Variants in NXF1 observed in about 807,000 individuals in gnomAD.
NXF1 encodes nuclear RNA export factor 1, also known as mRNA export factor TAP.
NXF1 carries 43 observed loss-of-function variants against 92.4 expected under a neutral mutation model. The observed-to-expected ratio is 0.47, with a 90% CI of 0.36 to 0.60. NXF1 has a LOEUF of 0.60. NXF1 is among the 20% of genes least tolerant of loss of function. The probability of loss-of-function intolerance (pLI) is 0.00; values close to 1 mark genes in which losing one functional copy is unlikely to be tolerated. For synonymous variants in NXF1, 288 were observed against 292.2 expected (o/e 0.99, Z 0.15); for missense variants, 576 against 793.0 (o/e 0.73, Z 3.29).
At chr11:62,793,540 T>C (rs767077918) in intron 19 of NXF1, among the ~76,000 whole-genome samples, 13 of 152,126 alleles carry the variant, frequency 8.5e-5, no homozygotes, top group Non-Finnish European at 1.8e-4. Context: ...AGCCAGGTGC[T>C]GTGGCCTATG....
Position 62,803,469 on chromosome 11 carries a change from C to A in NXF1, c.319G>T (p.Gly107Trp). 1 of 1,614,070 alleles carries A rather than the reference C, an allele frequency of 6.2e-7. No individual in the cohort carries two copies. The highest frequency in any genetic ancestry group is 8.5e-7 in the Non-Finnish European group (1 of 1,180,020). ...GTCCCATCCTGGCTGGTGCCAGCCC[C>A]TCCTCTCTCTGGAGGAGCTCTGTCT... The part of the protein sequence containing the change: ...RRDRAPPERG[G>W]AGTSQDGTSK... The change falls in exon 3 of 21, where the codon GGG becomes TGG. Residue 107 changes from glycine to tryptophan, a missense_variant. By Grantham distance (184) the Gly-to-Trp change is radical. Around this residue, in one of 2 missense-constraint regions of NXF1, gnomAD observed 151 missense variants for 157.8 expected, o/e 0.96. Transcript: ENST00000294172.
chr11:62,803,653 A>T, intron 2 of NXF1, 81 bp from the exon 3 acceptor site: 1 of 1,559,502 alleles, frequency 6.4e-7, no homozygotes, highest in Non-Finnish European at 8.8e-7. Context: ...TAGTGGGACT[A>T]CAACTAAGAC....
In NXF1 at chr11:62,800,399, G is replaced by T; in HGVS notation, c.994C>A (p.Arg332=). ...GACCTGATGTAGGTGGACTGGTCTC[G>T]GAAGGTGTCACACAGGGAGTTTCCA... is the stretch of plus-strand genomic sequence containing the variant. ...LDGNSLCDTF[R]DQSTYISAIR... Residue 332 remains arginine (R), a synonymous_variant, in exon 10 of 21, where the codon CGA becomes AGA. Coordinates refer to ENST00000294172, the MANE Select transcript of NXF1 (RefSeq NM_006362.5). The T allele has an allele frequency of 6.2e-7, 1 of 1,613,978 alleles. No individual in the cohort carries two copies. Among genetic ancestry groups the T allele is most frequent in the Non-Finnish European group, 8.5e-7 (1 of 1,179,954 alleles).
At position 62,795,007 on chromosome 11, in the gene NXF1, A is replaced by G. The variant is rs761132527; in HGVS notation, c.1505T>C (p.Val502Ala). 4 of 1,614,112 alleles carry G rather than the reference A, an allele frequency of 2.5e-6. No individual in the cohort carries two copies. The highest frequency in any genetic ancestry group is 1.1e-5 in the South Asian group (1 of 91,086). The part of the protein sequence containing the change: ...CFSVNGVFKE[V>A]DGKSRDSLRA... The stretch of plus-strand genomic sequence containing the variant: ...CAAAGAATCCCGGGACTTTCCGTCC[A>G]CTGCAATAAGAACAGCAACAACACC... Residue 502 changes from valine to alanine, a missense_variant and splice_region_variant, in exon 18 of 21, where the codon GTG (valine) becomes GCG (alanine). Physicochemically the swap from Val to Ala is moderately conservative, Grantham distance 64 (BLOSUM62 0). Around this residue, in one of 2 missense-constraint regions of NXF1, gnomAD observed 425 missense variants for 635.2 expected, o/e 0.67. Coordinates refer to ENST00000294172, the MANE Select transcript of NXF1 (RefSeq NM_006362.5).
chr11:62,793,987 C>A (rs1383087367), intron 19 of NXF1, among the ~76,000 whole-genome samples: 1 of 149,994 alleles, frequency 6.7e-6, no homozygotes, highest in African/African-American at 2.5e-5. Context: ...GGCAACATAG[C>A]AAGACTCCAC....
Position 62,803,880 on chromosome 11 carries a change from C to G in NXF1, c.127G>C (p.Gly43Arg). 7 of 1,614,232 alleles carry G rather than the reference C, an allele frequency of 4.3e-6. No homozygotes were observed. Among genetic ancestry groups the G allele is most frequent in the Non-Finnish European group, 5.9e-6 (7 of 1,180,042 alleles). ...YGEGNRRSGRGGSGIRSSRLE... is the reference protein window; with the variant it reads ...YGEGNRRSGRRGSGIRSSRLE... ...CGGGAAGACCGAATACCAGAACCGC[C>G]TCTTCCAGACCTACGGTTTCCTTCA... Residue 43 changes from glycine to arginine, a missense_variant, in exon 2 of 21, where the codon GGC (glycine) becomes CGC (arginine). Physicochemically the swap from Gly to Arg is moderately radical, Grantham distance 125. Transcript: ENST00000294172.
At chr11:62,794,511 T>G in intron 18 of NXF1, 71 bp from the exon 19 acceptor site, 2 of 1,387,528 alleles carry the variant, frequency 1.4e-6, no homozygotes, top group Non-Finnish European at 2.0e-6. Context: ...TCCTATTCTC[T>G]GATTCTTTCA....
intron 11 of NXF1, among the ~76,000 whole-genome samples, chr11:62,798,249 G>GAAACCCT (rs2084441469): frequency 6.6e-6 from 1 of 151,454 alleles, no homozygotes; most frequent in Admixed American, 6.6e-5. Flanking sequence ...CGAACATGGT[G>GAAACCCT]AAACCCTGTC....
At chr11:62,799,957 T>C (rs1446120883) in intron 10 of NXF1, 1 of 997,968 alleles carries the variant, frequency 1.0e-6, no homozygotes, top group African/African-American at 1.7e-5. Flanking sequence ...GGAAGGCCCA[T>C]CTCAGTAGGA....
intron 20 of NXF1, 26 bp from the exon 21 acceptor site, chr11:62,792,540 G>A (rs1324005774): frequency 1.2e-6 from 2 of 1,614,166 alleles, no homozygotes; most frequent in Non-Finnish European, 8.5e-7. Context: ...GGTCAGTAGA[G>A]GTAGGCCTAC....
chr11:62,799,723 G>A (rs897577226), intron 10 of NXF1: 9 of 985,972 alleles, frequency 9.1e-6, no homozygotes, highest in African/African-American at 1.7e-5. Flanking sequence ...GGATTCCCTC[G>A]CCTGCTGGCG....
Position 62,797,305 on chromosome 11 carries a change from C to T in NXF1, c.1122+13G>A. The T allele has an allele frequency of 6.2e-7, 1 of 1,614,164 alleles. No individual in the cohort carries two copies. Among genetic ancestry groups the T allele is most frequent in the Non-Finnish European group, 8.5e-7 (1 of 1,180,006 alleles). On this transcript the variant is annotated intron_variant, in intron 12 of 20. Coordinates refer to ENST00000294172, the MANE Select transcript of NXF1 (RefSeq NM_006362.5). ...CTCCACACACAAGTTCTTACTCTGT[C>T]CATGCTTCCTACCTTGCAGGGCGGT...
At chr11:62,800,138 AAGAG>A in intron 10 of NXF1, 1 of 1,369,864 alleles carries the variant, frequency 7.3e-7, no homozygotes, top group Admixed American at 3.1e-5. Flanking sequence ...TTCAGGAAGA[AAGAG>A]AAAGGCCACA....
At chr11:62,799,107 A>C in intron 10 of NXF1, 1 of 986,248 alleles carries the variant, frequency 1.0e-6, no homozygotes, top group Non-Finnish European at 1.2e-6. Flanking sequence ...GAAAAAGGCA[A>C]GATGGGGCAG....
chr11:62,800,529 G>T, intron 9 of NXF1, 43 bp from the exon 10 acceptor site: 1 of 1,442,474 alleles, frequency 6.9e-7, no homozygotes, highest in Non-Finnish European at 9.7e-7. Context: ...CCCTGGTGAA[G>T]ACAGCCAGCT....
rs778328082 is a variant in NXF1 at position 62,794,321 on chromosome 11, T to C, written c.1697A>G (p.Glu566Gly). 2 of 1,614,190 alleles carry C rather than the reference T, an allele frequency of 1.2e-6. No homozygotes were observed. Among genetic ancestry groups the C allele is most frequent in the Admixed American group, 3.3e-5 (2 of 60,022 alleles). The change falls in exon 19 of 21, where the codon GAG becomes GGG. Residue 566 changes from glutamate (E) to glycine (G), a missense_variant. This residue lies in a region of NXF1 where 425 missense variants were observed against 635.2 expected (regional missense o/e 0.67). Coordinates refer to ENST00000294172, the MANE Select transcript of NXF1 (RefSeq NM_006362.5). ...GAATGCTTGCAACATTTCCTGCTGC[T>C]CTGGAGAGAGGGTGGGCACCGGGCT... Reference protein sequence around the residue: ...SSSPVPTLSPEQQEMLQAFST... With the variant: ...SSSPVPTLSPGQQEMLQAFST...
At position 62,803,586 on chromosome 11, in the gene NXF1, G is replaced by A. The variant is rs372752677; in HGVS notation, c.216-14C>T. On this transcript the variant is annotated splice_polypyrimidine_tract_variant and intron_variant, in intron 2 of 20. Transcript: ENST00000294172. The stretch of plus-strand genomic sequence containing the variant: ...GTATAGGGGTTGCTGTGGGTAAGCA[G>A]AGAATAAAATGACCACAAATGCTAG... 9.7e-5 allele frequency: 156 copies of A among 1,613,862 alleles called. 1 individual carries two copies. In the African/African-American group the frequency reaches 1.8e-3, roughly 19 times the overall value.
At chr11:62,798,438 A>AAT in intron 11 of NXF1, 101 bp downstream of exon 11, 1 of 1,049,868 alleles carries the variant, frequency 9.5e-7, no homozygotes, top group Admixed American at 3.4e-5. Flanking sequence ...GTCTCAAATA[A>AAT]AAAAAAAAAA....
At position 62,795,035 on chromosome 11, in the gene NXF1, AGG is replaced by A. The variant is rs769604121; in HGVS notation, c.1505-30_1505-29del. 1.2e-5 allele frequency: 19 copies of A among 1,602,140 alleles called. No homozygotes were observed. In the South Asian group the frequency reaches 2.1e-4, roughly 18 times the overall value. ...GCAATAAGAACAGCAACAACACCTT[AGG>A]GTCACTAGTGCTTTATGTTTACAAA... On this transcript the variant is annotated intron_variant, in intron 17 of 20. Coordinates refer to ENST00000294172, the MANE Select transcript of NXF1 (RefSeq NM_006362.5).
Sources: gnomAD v4.1 joint callset for allele counts (sites outside exome capture counted in the v4.1 genomes callset) on GRCh38, gnomAD v4.1.1 for gene constraint, gnomAD v4.1.1 regional missense constraint, MANE v1.5 for transcripts, NCBI Gene and HGNC (gene_info 2026-07-23, HGNC 2026-07-21) for gene names.